The following GP6 variants were observed in gnomAD, a reference collection of about 807,000 sequenced individuals.
GP6 encodes the protein platelet glycoprotein VI.
Under a neutral mutation model 37.3 loss-of-function variants are expected in GP6, and 45 were observed. The observed-to-expected ratio is 1.21, with a 90% CI of 0.95 to 1.55. GP6 has a LOEUF of 1.55. Among genes scored for constraint, GP6 ranks in the 40% most tolerant of loss-of-function variants. The pLI, the probability that GP6 is intolerant of heterozygous loss-of-function variation, is 0.00. For missense variants in GP6, 813 were observed against 760.2 expected (o/e 1.07, Z -0.82); for synonymous variants, 340 against 316.4 (o/e 1.07, Z -0.79).
Position 55,015,076 on chromosome 19 carries a change from C to G in GP6, c.869G>C (p.Arg290Thr). 1 of 1,603,278 alleles carries G rather than the reference C, an allele frequency of 6.2e-7. No individual in the cohort carries two copies. The highest frequency in any genetic ancestry group is 8.5e-7 in the Non-Finnish European group (1 of 1,175,364). Reference sequence around the variant, plus strand: ...CGCTTCCTCCGGCTGTGCCAGTCCTCTGCCAGAAACCCCGCCAGGATTATT... The same window carrying G: ...CGCTTCCTCCGGCTGTGCCAGTCCTGTGCCAGAAACCCCGCCAGGATTATT... The change falls in exon 8 of 8, where the codon AGA (arginine) becomes ACA (threonine). Residue 290 changes from arginine to threonine, a missense_variant. Coordinates refer to ENST00000310373, the MANE Select transcript of GP6 (RefSeq NM_001083899.2).
intron 1 of GP6, 86 bp downstream of exon 1, chr19:55,038,117 C>T: frequency 9.0e-7 from 1 of 1,109,308 alleles, no homozygotes; most frequent in Non-Finnish European, 1.3e-6. Context: ...TGAAATTCAT[C>T]ACCAATGCAA....
Position 55,014,259 on chromosome 19 carries a change from A to G in GP6, c.1686T>C (p.Cys562=), listed in dbSNP as rs2073759681. The G allele has an allele frequency of 9.1e-7, 1 of 1,093,396 alleles. No homozygotes were observed. Among genetic ancestry groups the G allele is most frequent in the Non-Finnish European group, 1.4e-6 (1 of 716,552 alleles). 67.7% of individuals were successfully genotyped at this position (1,093,396 alleles called of 1,614,324 possible). ...GCTGGGAGTATAGGGATGCACCACCACACCTGGCTAATTTTTGTGTTTTTT... is the reference window on the plus strand; with the variant it reads ...GCTGGGAGTATAGGGATGCACCACCGCACCTGGCTAATTTTTGTGTTTTTT... The change falls in exon 8 of 8, where the codon TGT becomes TGC. Residue 562 remains cysteine (C), a synonymous_variant. Transcript: ENST00000310373.
rs189456586 is a variant in GP6 at position 55,034,366 on chromosome 19, T to C, written c.35-1828A>G. Among the ~76,000 whole-genome samples, 11 of 151,898 alleles carry C rather than the reference T, an allele frequency of 7.2e-5. No individual in the cohort carries two copies. In the East Asian group the frequency reaches 9.7e-4, roughly 13 times the overall value. ...GGTCAGGAGTTCAAGACCAGCCTGG[T>C]CAACATGGTGAAACACCATCTCTAC... On this transcript the variant is annotated intron_variant, in intron 1 of 7. Transcript: ENST00000310373.
rs770526790 is a variant in GP6, at chr19:55,032,358, A to G, written c.106T>C (p.Ser36Pro). 1 of 1,613,636 alleles carries G rather than the reference A, an allele frequency of 6.2e-7. No homozygotes were observed. Among genetic ancestry groups the G allele is most frequent in the Non-Finnish European group, 8.5e-7 (1 of 1,179,854 alleles). The change falls in exon 3 of 8, where the codon TCC becomes CCC. Residue 36 changes from serine to proline, a missense_variant. Ser to Pro is a moderately conservative substitution (Grantham distance 74). Transcript: ENST00000310373. ...ACTGGCTTCTCCAGGGGCACCAGGG[A>G]GCTGGGCAGAGCCTGGAGGGAGGGC...
chr19:55,034,716 TACACACACACAC>T (rs796869786), intron 1 of GP6, among the ~76,000 whole-genome samples: 10 of 148,042 alleles, frequency 6.8e-5, no homozygotes, highest in Admixed American at 2.7e-4. Context: ...CCCTCATTCT[TACACACACACAC>T]ACACACACAC....
chr19:55,018,476 C>T (rs918636568), intron 6 of GP6, among the ~76,000 whole-genome samples, 176 bp downstream of exon 6: 2 of 152,258 alleles, frequency 1.3e-5, no homozygotes, highest in African/African-American at 4.8e-5. Flanking sequence ...AACGCTCCTC[C>T]TTCTGAACCC....
intron 5 of GP6, among the ~76,000 whole-genome samples, chr19:55,020,075 C>T (rs890645695): frequency 6.6e-6 from 1 of 151,688 alleles, no homozygotes; most frequent in African/African-American, 2.4e-5. Flanking sequence ...TGGGTACTAT[C>T]CTGGGAGTCT....
rs111523374 is a variant in GP6, at chr19:55,031,660, A to T, written c.325+479T>A. ...AGCCAGATGCAGTGGCTCACGCCTG[A>T]AATCCCAACACTTTGGGAAGCCAAG... On this transcript the variant is annotated intron_variant, in intron 3 of 7. Transcript: ENST00000310373. Among the ~76,000 whole-genome samples the T allele has an allele frequency of 4.6e-3, 703 of 152,296 alleles. 8 individuals carry two copies. Among genetic ancestry groups the T allele is most frequent in the African/African-American group, 0.016 (673 of 41,574 alleles).
Position 55,032,304 on chromosome 19 carries a change from C to T in GP6, c.160G>A (p.Val54Met), listed in dbSNP as rs1263475086. 1.1e-5 allele frequency: 18 copies of T among 1,613,948 alleles called. No individual in the cohort carries two copies. The highest frequency in any genetic ancestry group is 2.7e-5 in the African/African-American group (2 of 74,924). Reference sequence around the variant, plus strand: ...AGCTTCTCCAGGCGGTACAGGTCCACGCCCGGAGGTCCCTGGCACCGGAGG... The same window carrying T: ...AGCTTCTCCAGGCGGTACAGGTCCATGCCCGGAGGTCCCTGGCACCGGAGG... Residue 54 changes from valine to methionine, a missense_variant, in exon 3 of 8, where the codon GTG (valine) becomes ATG (methionine). Val to Met is a conservative substitution (Grantham distance 21, BLOSUM62 1). Coordinates refer to ENST00000310373, the MANE Select transcript of GP6 (RefSeq NM_001083899.2).
chr19:55,021,957 T>G (rs957864847), intron 5 of GP6, among the ~76,000 whole-genome samples: 9 of 152,204 alleles, frequency 5.9e-5, no homozygotes, highest in African/African-American at 2.2e-4. Flanking sequence ...CGTCTTCTTT[T>G]GAGAAGTGAC....
intron 3 of GP6, among the ~76,000 whole-genome samples, chr19:55,028,648 CAA>C (rs1188872770): frequency 1.3e-5 from 2 of 152,124 alleles, no homozygotes; most frequent in Non-Finnish European, 2.9e-5. Flanking sequence ...TATACCTCAA[CAA>C]AGCTGGACAT....
chr19:55,035,568 T>G (rs1261339961), intron 1 of GP6, among the ~76,000 whole-genome samples: 2 of 151,720 alleles, frequency 1.3e-5, no homozygotes, highest in Admixed American at 6.6e-5. Flanking sequence ...AATACAAAAA[T>G]TAGCGGGGCG....
At chr19:55,024,320 A>ACGCACATGCACG (rs1568613074) in intron 5 of GP6, among the ~76,000 whole-genome samples, 59 of 142,264 alleles carry the variant, frequency 4.1e-4, no homozygotes, top group Non-Finnish European at 7.5e-4. Flanking sequence ...ATGCACGCAC[A>ACGCACATGCACG]CACACATATG....
chr19:55,030,956 C>T (rs2074540153), intron 3 of GP6, among the ~76,000 whole-genome samples: 2 of 152,154 alleles, frequency 1.3e-5, no homozygotes, highest in Admixed American at 6.5e-5. Flanking sequence ...TCAAGCGATC[C>T]TCCTGCCTCA....
rs562331603 is a variant in GP6 at position 55,013,909 on chromosome 19, A to T, written c.*173T>A. 96 of 372,740 alleles carry T rather than the reference A, an allele frequency of 2.6e-4. No homozygotes were observed. Among genetic ancestry groups the T allele is most frequent in the South Asian group, 1.4e-3 (68 of 49,416 alleles). 23.1% of individuals were successfully genotyped at this position (372,740 alleles called of 1,614,324 possible). Reference sequence around the variant, plus strand: ...GGTCAAGAAATGCCTAAACGCTATAATAAATATAGAACTTTACCTTGAGAA... The same window carrying T: ...GGTCAAGAAATGCCTAAACGCTATATTAAATATAGAACTTTACCTTGAGAA... On this transcript the variant is annotated 3_prime_UTR_variant, in exon 8 of 8. Transcript: ENST00000310373.
Position 55,038,219 on chromosome 19 carries a change from G to A in GP6, c.18C>T (p.Thr6=), listed in dbSNP as rs199807828. The change falls in exon 1 of 8, where the codon ACC becomes ACT. Residue 6 remains threonine, a synonymous_variant. Transcript: ENST00000310373. ...AGGACTCACCAAGACAGAAGAGGGC[G>A]GTCGGGGATGGAGACATGGTTCCTC... 4.8e-5 allele frequency: 76 copies of A among 1,591,612 alleles called. No homozygotes were observed. The highest frequency in any genetic ancestry group is 3.5e-4 in the African/African-American group (26 of 74,874).
intron 5 of GP6, among the ~76,000 whole-genome samples, chr19:55,024,315 C>CGCATGCACACACACACGCACGCAT (rs1309640954): frequency 7.4e-6 from 1 of 135,646 alleles, no homozygotes; most frequent in African/African-American, 3.1e-5. Flanking sequence ...CACATATGCA[C>CGCATGCACACACACACGCACGCAT]GCACACACAC....
chr19:55,014,972 C>G lies in GP6; in HGVS notation c.973G>C (p.Gly325Arg), dbSNP rs200948100. The stretch of plus-strand genomic sequence containing the variant: ...CATCCTGTCGGCCTCCATCCTGACC[C>G]CCGTTTGATTTCCGGGTCAGCGGGA... Residue 325 changes from glycine to arginine, a missense_variant, in exon 8 of 8, where the codon GGG becomes CGG. Gly to Arg is a moderately radical substitution (Grantham distance 125). Coordinates refer to ENST00000310373, the MANE Select transcript of GP6 (RefSeq NM_001083899.2). 843 of 1,613,682 alleles carry G rather than the reference C, an allele frequency of 5.2e-4. 12 individuals are homozygous for G. In the African/African-American group the frequency reaches 0.01, roughly 20 times the overall value.
At chr19:55,015,570 T>A (rs1047488331) in intron 7 of GP6, 113 bp downstream of exon 7, 4 of 713,336 alleles carry the variant, frequency 5.6e-6, no homozygotes, top group Admixed American at 2.1e-5. Flanking sequence ...GCCTTTACTC[T>A]ACACACTGGA....
Sources: allele counts gnomAD v4.1 joint callset (sites outside exome capture counted in the v4.1 genomes callset), GRCh38; gene constraint gnomAD v4.1.1; transcripts MANE v1.5; gene names NCBI Gene and HGNC (gene_info 2026-07-23, HGNC 2026-07-21).